CFLAR: variants seen among roughly 807,000 people sequenced by gnomAD.
CFLAR encodes the protein CASP8 and FADD like apoptosis regulator, also known as CASP8 and FADD-like apoptosis regulator.
CFLAR carries 14 observed loss-of-function variants against 51.1 expected under a neutral mutation model. The observed-to-expected ratio is 0.27, with a 90% CI of 0.18 to 0.43. CFLAR has a LOEUF of 0.43. Among genes scored for constraint, CFLAR ranks in the 20% least tolerant of loss-of-function variants. The probability of loss-of-function intolerance (pLI) is 1.00; values close to 1 mark genes in which losing one functional copy is unlikely to be tolerated. For missense variants in CFLAR, 390 were observed against 566.5 expected (o/e 0.69, Z 3.16); for synonymous variants, 210 against 211.6 (o/e 0.99, Z 0.06).
chr2:201,144,080 C>G (rs773573120), intron 5 of CFLAR: 3 of 152,224 alleles, frequency 2.0e-5, no homozygotes, highest in Non-Finnish European at 4.4e-5. Context: ...CAATTTCTAT[C>G]TGATATGATC....
intron 5 of CFLAR, among the ~76,000 whole-genome samples, chr2:201,143,677 A>G (rs1939479582): frequency 6.6e-6 from 1 of 151,758 alleles, no homozygotes. Flanking sequence ...GAATTAAAAA[A>G]TTATGGCTGG....
intron 9 of CFLAR, chr2:201,162,954 C>T (rs1447596964): frequency 1.4e-6 from 1 of 704,692 alleles, no homozygotes; most frequent in African/African-American, 1.7e-5. Context: ...ATTAAACATC[C>T]TTGTAACTTA....
At position 201,164,275 on chromosome 2, in the gene CFLAR, C is replaced by CT. The variant is rs1338459644; in HGVS notation, c.*305dup. The CT allele has an allele frequency of 8.1e-4, 106 of 131,274 alleles. 1 individual carries two copies. The highest frequency in any genetic ancestry group is 1.3e-3 in the Non-Finnish European group (84 of 62,990). 8.1% of individuals were successfully genotyped at this position (131,274 alleles called of 1,614,324 possible). On this transcript the variant is annotated 3_prime_UTR_variant, in exon 10 of 10. Transcript: ENST00000309955. ...TGGGCAATATAGCAAGATCCCATCT[C>CT]TTTAAAAAAAAAAAAAAAGGACAGG... is the stretch of plus-strand genomic sequence containing the variant.
intron 1 of CFLAR, among the ~76,000 whole-genome samples, chr2:201,122,960 C>G (rs189178368): frequency 6.6e-6 from 1 of 152,156 alleles, no homozygotes; most frequent in Non-Finnish European, 1.5e-5. Context: ...TGATTTTGAA[C>G]AGAGCTATCT....
Position 201,175,801 on chromosome 2 carries a change from G to A in CFLAR, c.*11828G>A, listed in dbSNP as rs1344382751. On this transcript the variant is annotated 3_prime_UTR_variant, in exon 10 of 10. Transcript: ENST00000309955. ...GACCGAGGCAAGTTTCAGAGCAACA[G>A]TGAAAGTTTATTACGCTTTAGGCTG... is the stretch of plus-strand genomic sequence containing the variant. The A allele has an allele frequency of 6.6e-6, 1 of 151,406 alleles. No homozygotes were observed. The highest frequency in any genetic ancestry group is 1.5e-5 in the Non-Finnish European group (1 of 67,828). 9.4% of individuals were successfully genotyped at this position (151,406 alleles called of 1,614,324 possible). A position where few individuals can be genotyped will look rare whatever the true frequency, so the allele number is the denominator to read the frequency against.
chr2:201,129,316 G>A (rs1203480888), intron 1 of CFLAR: 2 of 156,638 alleles, frequency 1.3e-5, no homozygotes, highest in African/African-American at 4.8e-5. Context: ...TGTGACATAA[G>A]TTTCCCTGAT....
rs1326213644 is a variant in CFLAR at position 201,124,864 on chromosome 2, A to C, written c.-137-4865A>C. On this transcript the variant is annotated intron_variant, in intron 1 of 9. Coordinates refer to ENST00000309955, the MANE Select transcript of CFLAR (RefSeq NM_003879.7). This position sits in a 1 kb window ranked among gnomAD's most constrained non-coding sequence, Gnocchi z 4.7. ...GGTGTGAGCTCAGCCAAGGGAGAAG[A>C]GTTTCAAGGAGGGATGAATTAGCAG... Among the ~76,000 whole-genome samples the C allele has an allele frequency of 6.6e-6, 1 of 152,180 alleles. No individual in the cohort carries two copies. The highest frequency in any genetic ancestry group is 1.9e-4 in the East Asian group (1 of 5,182).
intron 1 of CFLAR, among the ~76,000 whole-genome samples, chr2:201,120,847 A>G (rs1334606419): frequency 6.6e-6 from 1 of 152,148 alleles, no homozygotes; most frequent in Non-Finnish European, 1.5e-5. Context: ...AGTCAATGAG[A>G]TTGTTTAAAA....
chr2:201,136,220 G>A (rs1431067432), intron 4 of CFLAR, 113 bp downstream of exon 4: 1 of 1,609,218 alleles, frequency 6.2e-7, no homozygotes, highest in Non-Finnish European at 8.5e-7. Context: ...GAACCTGGAT[G>A]ACCAAAGCCT....
chr2:201,130,151 T>C lies in CFLAR; in HGVS notation c.281+5T>C, dbSNP rs779928815. 4 of 987,514 alleles carry C rather than the reference T, an allele frequency of 4.1e-6. No homozygotes were observed. The highest frequency in any genetic ancestry group is 5.6e-6 in the Non-Finnish European group (4 of 714,288). The allele number at this position is 987,514 out of a possible 1,614,324, so 61.2% of individuals were successfully genotyped here. A position where few individuals can be genotyped will look rare whatever the true frequency, so the allele number is the denominator to read the frequency against. On this transcript the variant is annotated splice_donor_5th_base_variant and intron_variant, in intron 2 of 9. Transcript: ENST00000309955. ...TCACCTTGTTTCGGACTATAGGTAA[T>C]TCATCAACTCTTCCTGAGGCTGGGT...
intron 8 of CFLAR, among the ~76,000 whole-genome samples, chr2:201,156,988 C>T (rs1179605360): frequency 1.3e-5 from 2 of 152,156 alleles, no homozygotes; most frequent in Non-Finnish European, 2.9e-5. Flanking sequence ...TAGAGACCTC[C>T]CTCCAGGTCC....
At chr2:201,143,729 C>T (rs1054775354) in intron 5 of CFLAR, among the ~76,000 whole-genome samples, 4 of 151,986 alleles carry the variant, frequency 2.6e-5, no homozygotes, top group Admixed American at 1.3e-4. Context: ...TTTGGGAGGC[C>T]GAGGCAGGTG....
At chr2:201,133,657 G>A (rs373071429) in intron 3 of CFLAR, among the ~76,000 whole-genome samples, 3 of 152,224 alleles carry the variant, frequency 2.0e-5, no homozygotes, top group East Asian at 1.9e-4. Context: ...GAGGCCGGGC[G>A]CAGTGGCTCA....
intron 5 of CFLAR, among the ~76,000 whole-genome samples, chr2:201,144,704 G>C (rs1409937044): frequency 6.6e-6 from 1 of 152,172 alleles, no homozygotes; most frequent in East Asian, 1.9e-4. Context: ...TGTGTTGAAG[G>C]AACAGGTGGA....
At chr2:201,140,332 C>G in intron 4 of CFLAR, 25 bp from the exon 5 acceptor site, 1 of 1,586,500 alleles carries the variant, frequency 6.3e-7, no homozygotes, top group Non-Finnish European at 8.6e-7. Context: ...AGTTTTAACT[C>G]AGTACCTCCC....
intron 8 of CFLAR, among the ~76,000 whole-genome samples, chr2:201,152,671 C>T (rs886983928): frequency 3.9e-5 from 6 of 152,132 alleles, no homozygotes; most frequent in African/African-American, 9.7e-5. Flanking sequence ...TAGACTGAGG[C>T]GCACTGGAAT....
In CFLAR at chr2:201,171,394, A is replaced by G. The variant is rs1944001607; in HGVS notation, c.*7421A>G. On this transcript the variant is annotated 3_prime_UTR_variant, in exon 10 of 10. Transcript: ENST00000309955. ...AAGCCATTATCCTCAGCAAACTAAC[A>G]GAGGAGCAGGAAACCAAACACCACA... 6.6e-6 allele frequency: 1 copy of G among 152,190 alleles called. No individual in the cohort carries two copies. Among genetic ancestry groups the G allele is most frequent in the South Asian group, 2.1e-4 (1 of 4,832 alleles). 9.4% of individuals were successfully genotyped at this position (152,190 alleles called of 1,614,324 possible).
chr2:201,122,777 C>T (rs961419794), intron 1 of CFLAR: 15 of 152,136 alleles, frequency 9.9e-5, no homozygotes, highest in African/African-American at 3.6e-4. Context: ...AAGGGGCTTT[C>T]CAAATGGAGG....
intron 1 of CFLAR, chr2:201,122,739 T>C (rs148527069): frequency 6.6e-6 from 1 of 152,326 alleles, no homozygotes; most frequent in Non-Finnish European, 1.5e-5. Flanking sequence ...AGAGAAGATA[T>C]AATTTCAGGT....
Sources: gnomAD v4.1 joint callset for allele counts (sites outside exome capture counted in the v4.1 genomes callset) on GRCh38, gnomAD v4.1.1 for gene constraint, Gnocchi (gnomAD v3.1) non-coding constraint, MANE v1.5 for transcripts, NCBI Gene and HGNC (gene_info 2026-07-23, HGNC 2026-07-21) for gene names.